Variants in ZC3H12B observed in about 807,000 individuals in gnomAD.
ZC3H12B encodes probable ribonuclease ZC3H12B.
A neutral mutation model predicts 43.9 loss-of-function variants in ZC3H12B; 7 were observed. The observed-to-expected ratio is 0.16, with a 90% CI of 0.09 to 0.30. The LOEUF is 0.30. Ranked by LOEUF, ZC3H12B falls within the 10% of genes least tolerant of loss-of-function variation. The probability of loss-of-function intolerance (pLI) is 1.00; values close to 1 mark genes in which losing one functional copy is unlikely to be tolerated. For synonymous variants in ZC3H12B, 222 were observed against 241.7 expected (o/e 0.92, Z 0.76); for missense variants, 475 against 670.2 (o/e 0.71, Z 3.22).
At chrX:65,475,989 T>C (rs1290538084) in intron 3 of ZC3H12B, among the ~76,000 whole-genome samples, 1 of 112,512 alleles carries the variant, frequency 8.9e-6, no homozygotes. Flanking sequence ...AATCCACTGA[T>C]AGTCTTACAG....
intron 1 of ZC3H12B, among the ~76,000 whole-genome samples, chrX:65,491,221 A>C (rs2068197907): frequency 8.9e-6 from 1 of 111,968 alleles, no homozygotes; most frequent in Non-Finnish European, 1.9e-5. Flanking sequence ...ACGTATGTGA[A>C]TTAATCCCCA....
chrX:65,383,121 A>G (rs890487579), intron 2 of ZC3H12B, among the ~76,000 whole-genome samples: 1 of 111,745 alleles, frequency 8.9e-6, no homozygotes, highest in Non-Finnish European at 1.9e-5. Flanking sequence ...TTCATATGGA[A>G]CCAAAAAAGA....
exon 5 of ZC3H12B, chrX:65,503,591 T>TAGA (rs2068396109): frequency 1.6e-5 from 2 of 122,727 alleles, no homozygotes; most frequent in African/African-American, 6.6e-5. Flanking sequence ...AGTTTTCCTT[T>TAGA]TTCTCTTTTC....
At chrX:65,043,261 A>G in the ZC3H12B span, among the ~76,000 whole-genome samples, 2 of 110,997 alleles carry the variant, frequency 1.8e-5, no homozygotes, top group Non-Finnish European at 3.8e-5. Flanking sequence ...ACTGTGGTGC[A>G]TGGAATAAAC....
intron 3 of ZC3H12B, among the ~76,000 whole-genome samples, chrX:65,400,149 A>G (rs2066746567): frequency 9.0e-6 from 1 of 111,463 alleles, no homozygotes; most frequent in Non-Finnish European, 1.9e-5. Flanking sequence ...AAAGTAAACA[A>G]TATTTTAAAA....
the ZC3H12B span, among the ~76,000 whole-genome samples, chrX:65,195,032 A>T: frequency 1.1e-5 from 1 of 93,653 alleles, no homozygotes; most frequent in African/African-American, 3.9e-5. Flanking sequence ...TTTTTCCTTT[A>T]TTTTCAGTCT....
At chrX:65,338,246 T>A in the ZC3H12B span, among the ~76,000 whole-genome samples, 123 of 111,638 alleles carry the variant, frequency 1.1e-3, no homozygotes, top group African/African-American at 4.0e-3. Context: ...GTACACAAAC[T>A]GTGTACAAAA....
At chrX:65,276,838 G>A in the ZC3H12B span, among the ~76,000 whole-genome samples, 3 of 111,346 alleles carry the variant, frequency 2.7e-5, no homozygotes, top group South Asian at 1.1e-3. Flanking sequence ...AAGAGCAAAA[G>A]GTGAGACCAC....
chrX:65,042,434 A>T, the ZC3H12B span, among the ~76,000 whole-genome samples: 1 of 112,742 alleles, frequency 8.9e-6, no homozygotes, highest in Non-Finnish European at 1.9e-5. Context: ...AGCTTAGAAA[A>T]AAATAAAAAC....
chrX:65,243,245 A>G, the ZC3H12B span, among the ~76,000 whole-genome samples: 1 of 112,596 alleles, frequency 8.9e-6, no homozygotes, highest in African/African-American at 3.2e-5. Flanking sequence ...ATTAATAACC[A>G]GAATATGTAA....
the ZC3H12B span, among the ~76,000 whole-genome samples, chrX:65,155,987 T>A: frequency 9.0e-6 from 1 of 111,555 alleles, no homozygotes; most frequent in Non-Finnish European, 1.9e-5. Flanking sequence ...GGATGTTTTT[T>A]CCACTACTAG....
the ZC3H12B span, among the ~76,000 whole-genome samples, chrX:65,121,336 T>C: frequency 2.7e-5 from 3 of 111,466 alleles, no homozygotes; most frequent in Non-Finnish European, 3.8e-5. Flanking sequence ...GAGCCTGTTA[T>C]TGGTCTATTC....
the ZC3H12B span, among the ~76,000 whole-genome samples, chrX:65,176,439 A>C: frequency 1.8e-5 from 2 of 111,565 alleles, no homozygotes; most frequent in African/African-American, 6.5e-5. Context: ...ACCTGGGTGA[A>C]TGGGCAGTTG....
the ZC3H12B span, among the ~76,000 whole-genome samples, chrX:65,340,084 G>T: frequency 9.0e-6 from 1 of 111,664 alleles, no homozygotes; most frequent in Admixed American, 9.4e-5. Flanking sequence ...CACCAACACT[G>T]CTGCCAGAGT....
At chrX:65,117,921 A>G in the ZC3H12B span, among the ~76,000 whole-genome samples, 1 of 110,458 alleles carries the variant, frequency 9.1e-6, no homozygotes. Flanking sequence ...ATTGGTTTAT[A>G]TCTTTGTTTT....
At chrX:65,427,196 CTT>C (rs2067093557) in intron 3 of ZC3H12B, among the ~76,000 whole-genome samples, 1 of 111,810 alleles carries the variant, frequency 8.9e-6, no homozygotes, top group East Asian at 2.8e-4. Flanking sequence ...GAATTGAACT[CTT>C]TACCATTATG....
the ZC3H12B span, among the ~76,000 whole-genome samples, chrX:65,202,733 G>A: frequency 2.7e-5 from 3 of 110,744 alleles, no homozygotes; most frequent in African/African-American, 9.9e-5. Flanking sequence ...AAGACCTGTG[G>A]TAACCACTGC....
intron 3 of ZC3H12B, among the ~76,000 whole-genome samples, chrX:65,444,872 G>T (rs1458532240): frequency 9.0e-6 from 1 of 111,449 alleles, no homozygotes; most frequent in African/African-American, 3.3e-5. Context: ...ATATCTTTTT[G>T]CCATACTTTG....
At chrX:65,061,970 G>C in the ZC3H12B span, among the ~76,000 whole-genome samples, 2 of 112,400 alleles carry the variant, frequency 1.8e-5, no homozygotes, top group Non-Finnish European at 3.8e-5. Context: ...GTCTTCTTTT[G>C]AGAAGTGTCT....
Sources: allele counts gnomAD v4.1 joint callset (sites outside exome capture counted in the v4.1 genomes callset), GRCh38; gene constraint gnomAD v4.1.1; transcripts MANE v1.5; gene names NCBI Gene and HGNC (gene_info 2026-07-23, HGNC 2026-07-21).